Variants in RUSC2 observed in about 807,000 individuals in gnomAD.
The protein encoded by RUSC2 is RUN and SH3 domain containing 2.
In RUSC2, 34 loss-of-function variants were observed where a neutral mutation model predicts 122.2. That is an observed-to-expected ratio of 0.28 (90% CI 0.21 to 0.37). RUSC2 has a LOEUF of 0.37. Ranked by LOEUF, RUSC2 falls within the 10% of genes least tolerant of loss-of-function variation. The pLI, the probability that RUSC2 is intolerant of heterozygous loss-of-function variation, is 1.00. For missense variants in RUSC2, 1,747 were observed against 1,952.4 expected, an observed-to-expected ratio of 0.89 and a Z score of 1.98; for synonymous variants, 784 against 790.0, an observed-to-expected ratio of 0.99 and a Z score of 0.13.
At chr9:35,528,470 A>G (rs979989265) in intron 1 of RUSC2, among the ~76,000 whole-genome samples, 6 of 150,648 alleles carry the variant, frequency 4.0e-5, no homozygotes, top group Non-Finnish European at 5.9e-5. Context: ...CTTGATTACC[A>G]TAATGTGGGA....
Position 35,547,521 on chromosome 9 carries a change from T to G in RUSC2, c.1000T>G (p.Ser334Ala). Reference protein sequence around the residue: ...LQPSPFESKMSYESHHPESGG... With the variant: ...LQPSPFESKMAYESHHPESGG... Reference sequence around the variant, plus strand: ...GCCCTCCCCATTTGAGTCTAAGATGTCTTATGAGTCCCATCACCCTGAAAG... The same window carrying G: ...GCCCTCCCCATTTGAGTCTAAGATGGCTTATGAGTCCCATCACCCTGAAAG... The change falls in exon 2 of 12, where the codon TCT (serine) becomes GCT (alanine). Residue 334 changes from serine (S) to alanine (A), a missense_variant. Physicochemically the swap from Ser to Ala is moderately conservative, Grantham distance 99 (BLOSUM62 1). Transcript: ENST00000361226. The surrounding 1 kb of genome is among the most constrained non-coding windows in gnomAD (Gnocchi z 4.6). 2 of 1,614,108 alleles carry G rather than the reference T, an allele frequency of 1.2e-6. No homozygotes were observed. The highest frequency in any genetic ancestry group is 1.7e-6 in the Non-Finnish European group (2 of 1,180,016).
At chr9:35,552,411 C>CT (rs1166025095) in intron 2 of RUSC2, among the ~76,000 whole-genome samples, 4 of 152,054 alleles carry the variant, frequency 2.6e-5, no homozygotes, top group African/African-American at 9.7e-5. Context: ...TGAGACGGCT[C>CT]TTTGAGATAC....
intron 1 of RUSC2, among the ~76,000 whole-genome samples, chr9:35,499,321 A>C (rs534827749): frequency 1.6e-4 from 25 of 152,168 alleles, no homozygotes; most frequent in Non-Finnish European, 3.4e-4. Flanking sequence ...GTGAGTCATC[A>C]AGAAAAGTTA....
At chr9:35,530,363 C>T (rs1456870578) in intron 1 of RUSC2, among the ~76,000 whole-genome samples, 2 of 151,974 alleles carry the variant, frequency 1.3e-5, no homozygotes, top group East Asian at 3.9e-4. Flanking sequence ...AGAAATGTAC[C>T]GTCATCAAGA....
In RUSC2 at chr9:35,555,286, A is replaced by T; in HGVS notation, c.2241A>T (p.Ser747=). 6.2e-7 allele frequency: 1 copy of T among 1,613,680 alleles called. No homozygotes were observed. ...PAAQVSVPAP[S]GEPQASTPRA... ...CTCAAGTCTCAGTCCCAGCTCCCTC[A>T]GGGGAACCGCAGGCATCCACTCCCC... Residue 747 remains serine, a synonymous_variant, in exon 3 of 12, where the codon TCA becomes TCT. Transcript: ENST00000361226. The surrounding 1 kb of genome is among the most constrained non-coding windows in gnomAD (Gnocchi z 4.6).
rs1351039143 is a variant in RUSC2, at chr9:35,547,339, C to T, written c.818C>T (p.Ser273Phe). ...TCCATGGGCTATGTGAGCGACTCCT[C>T]CTGCAACAGTTCAGATGGTGTGCTG... ...DQSMGYVSDS[S>F]CNSSDGVLVT... The change falls in exon 2 of 12, where the codon TCC becomes TTC. Residue 273 changes from serine (S) to phenylalanine (F), a missense_variant. Coordinates refer to ENST00000361226, the MANE Select transcript of RUSC2 (RefSeq NM_014806.5). The surrounding 1 kb of genome is among the most constrained non-coding windows in gnomAD (Gnocchi z 4.6). The T allele has an allele frequency of 2.5e-6, 4 of 1,614,198 alleles. No individual in the cohort carries two copies. Among genetic ancestry groups the T allele is most frequent in the Non-Finnish European group, 1.7e-6 (2 of 1,180,036 alleles).
intron 2 of RUSC2, among the ~76,000 whole-genome samples, chr9:35,550,222 A>G (rs1261799722): frequency 6.6e-6 from 1 of 151,638 alleles, no homozygotes; most frequent in East Asian, 1.9e-4. Flanking sequence ...AAAAAAAAAA[A>G]AAAGTAATTG....
intron 2 of RUSC2, chr9:35,549,334 G>A (rs1163746864): frequency 1.1e-5 from 7 of 657,424 alleles, no homozygotes; most frequent in South Asian, 6.9e-5. Context: ...TTGCTCTTTC[G>A]CCCAGGCTGG....
chr9:35,536,375 G>C (rs1057072817), intron 1 of RUSC2, among the ~76,000 whole-genome samples: 2 of 152,210 alleles, frequency 1.3e-5, no homozygotes, highest in Non-Finnish European at 2.9e-5. Context: ...GTTGCTCTGG[G>C]TCTGGTAGGT....
At chr9:35,494,330 G>C (rs570355886) in intron 1 of RUSC2, among the ~76,000 whole-genome samples, 1 of 152,170 alleles carries the variant, frequency 6.6e-6, no homozygotes, top group African/African-American at 2.4e-5. Flanking sequence ...GCCAGGCATG[G>C]TGGCGCACAC....
At chr9:35,510,919 C>T (rs1390063848) in intron 1 of RUSC2, among the ~76,000 whole-genome samples, 1 of 152,178 alleles carries the variant, frequency 6.6e-6, no homozygotes, top group Non-Finnish European at 1.5e-5. Context: ...CCCCACTGAA[C>T]CCAGTGGGGA....
Position 35,548,666 on chromosome 9 carries a change from C to G in RUSC2, c.2014+131C>G. On this transcript the variant is annotated intron_variant, in intron 2 of 11. Coordinates refer to ENST00000361226, the MANE Select transcript of RUSC2 (RefSeq NM_014806.5). The surrounding 1 kb of genome is among the most constrained non-coding windows in gnomAD (Gnocchi z 4.5). ...GGTTCCACATCCTAGATCTGTTATC[C>G]TTCTAGGCCAGGGCAGGACCCACAG... The G allele has an allele frequency of 1.4e-6, 2 of 1,428,322 alleles. No individual in the cohort carries two copies. Among genetic ancestry groups the G allele is most frequent in the Non-Finnish European group, 1.8e-6 (2 of 1,094,346 alleles). 88.5% of individuals were successfully genotyped at this position (1,428,322 alleles called of 1,614,324 possible).
At chr9:35,495,059 C>CTATAGTATATATTATA (rs1460974091) in intron 1 of RUSC2, among the ~76,000 whole-genome samples, 2 of 30,900 alleles carry the variant, frequency 6.5e-5, no homozygotes, top group African/African-American at 3.7e-4. Flanking sequence ...ATAATATATA[C>CTATAGTATATATTATA]TATAGTATAT....
intron 1 of RUSC2, among the ~76,000 whole-genome samples, chr9:35,544,307 C>CTT (rs55870659): frequency 0.54 from 61,405 of 112,830 alleles, 19,134 homozygotes; most frequent in Non-Finnish European, 0.66. Context: ...GATCATATGT[C>CTT]TTTTTTTTTT....
intron 5 of RUSC2, 115 bp downstream of exon 5, chr9:35,556,563 G>A (rs1487285901): frequency 6.3e-6 from 8 of 1,270,122 alleles, no homozygotes; most frequent in African/African-American, 4.5e-5. Flanking sequence ...AGTGGCTCAC[G>A]CCTGTAATCC....
chr9:35,542,748 A>G (rs1004654383), intron 1 of RUSC2, among the ~76,000 whole-genome samples: 3 of 152,162 alleles, frequency 2.0e-5, no homozygotes, highest in East Asian at 3.8e-4. Flanking sequence ...TTACAATACA[A>G]TTGTCAGTGC....
At chr9:35,490,698 C>T (rs2076413672) in intron 1 of RUSC2, among the ~76,000 whole-genome samples, 1 of 152,212 alleles carries the variant, frequency 6.6e-6, no homozygotes, top group African/African-American at 2.4e-5. Context: ...CCGCCCGGCG[C>T]CGGCGTTGCT....
intron 1 of RUSC2, among the ~76,000 whole-genome samples, chr9:35,492,873 T>C (rs1230101902): frequency 1.3e-5 from 2 of 152,178 alleles, no homozygotes; most frequent in African/African-American, 2.4e-5. Flanking sequence ...CATTCTACTT[T>C]CTATCTTTGA....
Position 35,546,561 on chromosome 9 carries a change from G to A in RUSC2, c.40G>A (p.Val14Ile), listed in dbSNP as rs763672880. Residue 14 changes from valine (V) to isoleucine (I), a missense_variant, in exon 2 of 12, where the codon GTT (valine) becomes ATT (isoleucine). Physicochemically the swap from Val to Ile is conservative, Grantham distance 29 (BLOSUM62 3). Transcript: ENST00000361226. This position sits in a 1 kb window ranked among gnomAD's most constrained non-coding sequence, Gnocchi z 4.3. ...AAAGCTGACTGGAGAGACCCTCATC[G>A]TTCATCACATCCCCCTGGTGCACTG... ...PPKLTGETLI[V>I]HHIPLVHCQV... 17 of 1,486,260 alleles carry A rather than the reference G, an allele frequency of 1.1e-5. No homozygotes were observed. Among genetic ancestry groups the A allele is most frequent in the East Asian group, 4.8e-5 (2 of 41,956 alleles). 92.1% of individuals were successfully genotyped at this position (1,486,260 alleles called of 1,614,324 possible).
Sources: allele counts gnomAD v4.1 joint callset (sites outside exome capture counted in the v4.1 genomes callset), GRCh38; gene constraint gnomAD v4.1.1; non-coding constraint Gnocchi (gnomAD v3.1); transcripts MANE v1.5; gene names NCBI Gene and HGNC (gene_info 2026-07-23, HGNC 2026-07-21).